SGCZ: variants seen among roughly 807,000 people sequenced by gnomAD.
The protein encoded by SGCZ is zeta-sarcoglycan.
Under a neutral mutation model 41.3 loss-of-function variants are expected in SGCZ, and 40 were observed. That is an observed-to-expected ratio of 0.97 (90% confidence interval 0.75 to 1.26). SGCZ has a LOEUF of 1.26. Ranked by LOEUF, SGCZ falls within the 50% of genes most tolerant of loss-of-function variation. SGCZ has a pLI of 0.00. For synonymous variants in SGCZ, 206 were observed against 137.5 expected, an observed-to-expected ratio of 1.50 and a Z score of -3.49; for missense variants, 552 against 369.8, an observed-to-expected ratio of 1.49 and a Z score of -4.04.
intron 1 of SGCZ, among the ~76,000 whole-genome samples, chr8:15,080,429 G>A (rs1030609423): frequency 6.6e-6 from 1 of 152,076 alleles, no homozygotes; most frequent in African/African-American, 2.4e-5. Context: ...GAGCTGGTTG[G>A]TAGTGTGCGT....
Position 14,964,607 on chromosome 8 carries a change from G to C in SGCZ, c.39+272978C>G, listed in dbSNP as rs151280320. On this transcript the variant is annotated intron_variant, in intron 1 of 7. Coordinates refer to ENST00000382080, the MANE Select transcript of SGCZ (RefSeq NM_139167.4). The stretch of plus-strand genomic sequence containing the variant: ...TTGAATTCAGCCAATCCCACACGTA[G>C]CTTTGCAATGGGATAACCCTGAAAA... Among the ~76,000 whole-genome samples the C allele has an allele frequency of 4.6e-3, 704 of 152,304 alleles. 4 individuals are homozygous for C. The highest frequency in any genetic ancestry group is 0.019 in the South Asian group (90 of 4,828).
rs1319595780 is a variant in SGCZ, at chr8:14,155,866, G to T, written c.547+8714C>A. The stretch of plus-strand genomic sequence containing the variant: ...AAACCTGACAAACCTAGGCTAAGTG[G>T]TATAGCCTACTGCTCCTAAGCTACA... On this transcript the variant is annotated intron_variant, in intron 5 of 7. Coordinates refer to ENST00000382080, the MANE Select transcript of SGCZ (RefSeq NM_139167.4). Among the ~76,000 whole-genome samples the T allele has an allele frequency of 1.3e-5, 2 of 152,140 alleles. 1 individual carries two copies. The highest frequency in any genetic ancestry group is 4.2e-4 in the South Asian group (2 of 4,818).
intron 2 of SGCZ, among the ~76,000 whole-genome samples, chr8:14,360,551 C>A (rs867597146): frequency 1.3e-5 from 2 of 152,056 alleles, no homozygotes; most frequent in Non-Finnish European, 2.9e-5. Flanking sequence ...GTCTCGAACT[C>A]CTGACTTCAG....
At chr8:14,566,541 G>A (rs1804367813) in intron 1 of SGCZ, among the ~76,000 whole-genome samples, 1 of 152,190 alleles carries the variant, frequency 6.6e-6, no homozygotes, top group African/African-American at 2.4e-5. Context: ...TACAACTGAG[G>A]TACACCTATA....
At chr8:14,877,746 C>T (rs60920272) in intron 1 of SGCZ, among the ~76,000 whole-genome samples, 4,499 of 152,200 alleles carry the variant, frequency 0.03, 237 homozygotes, top group African/African-American at 0.1. Flanking sequence ...ACAATGGGAG[C>T]TTCCAAAGCA....
intron 1 of SGCZ, among the ~76,000 whole-genome samples, chr8:14,892,082 G>C (rs1805037934): frequency 6.6e-6 from 1 of 152,124 alleles, no homozygotes; most frequent in East Asian, 1.9e-4. Context: ...TCTAAGATAT[G>C]CTTATATTTA....
intron 2 of SGCZ, among the ~76,000 whole-genome samples, chr8:14,447,334 C>G (rs866616315): frequency 1.3e-5 from 2 of 151,782 alleles, no homozygotes; most frequent in African/African-American, 4.8e-5. Flanking sequence ...ATTATGAAAT[C>G]AAAAAAATAC....
At chr8:14,929,594 C>G (rs1042675483) in intron 1 of SGCZ, among the ~76,000 whole-genome samples, 7 of 151,708 alleles carry the variant, frequency 4.6e-5, no homozygotes, top group Non-Finnish European at 1.0e-4. Flanking sequence ...TTATTCTGAG[C>G]CTCCCAAAGA....
intron 4 of SGCZ, among the ~76,000 whole-genome samples, chr8:14,225,571 A>C (rs1806344686): frequency 1.3e-5 from 2 of 152,104 alleles, no homozygotes; most frequent in Non-Finnish European, 1.5e-5. Context: ...ATTGGGTTTT[A>C]TGCTAGAAGA....
intron 3 of SGCZ, among the ~76,000 whole-genome samples, chr8:14,277,266 T>A (rs1014601221): frequency 2.1e-4 from 32 of 152,214 alleles, no homozygotes; most frequent in African/African-American, 7.5e-4. Context: ...TTCAAAATGT[T>A]CAACCATGAA....
intron 1 of SGCZ, among the ~76,000 whole-genome samples, chr8:14,589,445 G>A (rs1805171302): frequency 6.6e-6 from 1 of 151,768 alleles, no homozygotes; most frequent in Admixed American, 6.6e-5. Context: ...CACCAGAAAT[G>A]TCTGAAGAAA....
chr8:14,895,893 G>C (rs1212442921), intron 1 of SGCZ, among the ~76,000 whole-genome samples: 1 of 152,122 alleles, frequency 6.6e-6, no homozygotes, highest in Non-Finnish European at 1.5e-5. Flanking sequence ...TTATTTATTA[G>C]AAGTTCTTCT....
intron 1 of SGCZ, among the ~76,000 whole-genome samples, chr8:15,204,673 C>A (rs1292722465): frequency 6.6e-6 from 1 of 152,126 alleles, no homozygotes; most frequent in Non-Finnish European, 1.5e-5. Context: ...CAAGTCCTGC[C>A]CTCTGTATAA....
chr8:14,480,314 C>T (rs1585571431), intron 2 of SGCZ, among the ~76,000 whole-genome samples: 1 of 152,238 alleles, frequency 6.6e-6, no homozygotes, highest in South Asian at 2.1e-4. Context: ...ACAATCACTG[C>T]TCCTTGAAAT....
At chr8:14,503,585 T>C (rs1390217721) in intron 2 of SGCZ, among the ~76,000 whole-genome samples, 2 of 152,004 alleles carry the variant, frequency 1.3e-5, no homozygotes, top group African/African-American at 2.4e-5. Flanking sequence ...CTGGCCAACA[T>C]GCTAAGTCCC....
intron 2 of SGCZ, among the ~76,000 whole-genome samples, chr8:14,379,403 G>C (rs1804270454): frequency 6.6e-6 from 1 of 152,134 alleles, no homozygotes. Flanking sequence ...AGATAATGTA[G>C]TTAGAAATAA....
chr8:14,692,298 A>G (rs1305109517), intron 1 of SGCZ, among the ~76,000 whole-genome samples: 3 of 152,106 alleles, frequency 2.0e-5, no homozygotes, highest in Non-Finnish European at 4.4e-5. Flanking sequence ...AGAGAGAAGC[A>G]TAATTATAGA....
intron 1 of SGCZ, among the ~76,000 whole-genome samples, chr8:14,783,444 A>C (rs1481848865): frequency 6.6e-6 from 1 of 152,096 alleles, no homozygotes; most frequent in African/African-American, 2.4e-5. Context: ...AAAAAAAAAA[A>C]AGAAGGAAAG....
At chr8:14,731,925 C>A (rs1810251049) in intron 1 of SGCZ, among the ~76,000 whole-genome samples, 1 of 152,120 alleles carries the variant, frequency 6.6e-6, no homozygotes, top group Admixed American at 6.5e-5. Flanking sequence ...AATAACCTTA[C>A]ATATCTATCA....
Sources: gnomAD v4.1 joint callset for allele counts (sites outside exome capture counted in the v4.1 genomes callset) on GRCh38, gnomAD v4.1.1 for gene constraint, MANE v1.5 for transcripts, NCBI Gene and HGNC (gene_info 2026-07-23, HGNC 2026-07-21) for gene names.